The following MYH11 variants were observed in gnomAD, a reference collection of about 807,000 sequenced individuals.
MYH11 encodes the protein myosin heavy chain 11.
MYH11 carries 80 observed loss-of-function variants against 246.6 expected under a neutral mutation model. The ratio of observed to expected loss-of-function variants is 0.32; its 90% CI spans 0.27 to 0.39. MYH11 has a LOEUF of 0.39. Ranked by LOEUF, MYH11 falls within the 10% of genes least tolerant of loss-of-function variation. The pLI is 1.00. For missense variants in MYH11, 2,158 were observed against 2,546.8 expected (o/e 0.85, Z 3.29); for synonymous variants, 1,071 against 1,015.5 (o/e 1.05, Z -1.04).
At chr16:15,717,011 C>T in intron 38 of MYH11, 129 bp downstream of exon 38, 1 of 1,007,708 alleles carries the variant, frequency 9.9e-7, no homozygotes, top group Non-Finnish European at 1.6e-6. Context: ...CATACCTGCA[C>T]TGTAGGCATC....
chr16:15,771,618 T>C lies in MYH11; in HGVS notation c.984A>G (p.Glu328=). ...CCATGATTGCCATGGCCTCCACGGT[T>C]TCCTGGAACATCTCATCATCCTGGG... ...PAAQDDEMFQ[E]TVEAMAIMGF... The change falls in exon 9 of 41, where the codon GAA becomes GAG. Residue 328 remains glutamate (E), a synonymous_variant. Transcript: ENST00000300036. The C allele has an allele frequency of 1.2e-6, 2 of 1,614,016 alleles. No individual in the cohort carries two copies. Among genetic ancestry groups the C allele is most frequent in the Non-Finnish European group, 1.7e-6 (2 of 1,180,012 alleles).
At chr16:15,790,329 AACAG>A (rs1267983056) in intron 4 of MYH11, among the ~76,000 whole-genome samples, 13 of 140,210 alleles carry the variant, frequency 9.3e-5, no homozygotes, top group Middle Eastern at 3.5e-3. Flanking sequence ...CAAACAAACA[AACAG>A]ACAGACAAAA....
intron 9 of MYH11, among the ~76,000 whole-genome samples, chr16:15,766,864 T>C (rs560656630): frequency 6.6e-6 from 1 of 152,198 alleles, no homozygotes; most frequent in African/African-American, 2.4e-5. Context: ...AGCAAAGAAG[T>C]AAACCAGTGA....
At chr16:15,726,693 A>G in intron 28 of MYH11, 155 bp downstream of exon 28, 1 of 876,326 alleles carries the variant, frequency 1.1e-6, no homozygotes, top group Non-Finnish European at 1.8e-6. Flanking sequence ...TATTTAATTG[A>G]ACAGGGAGAT....
At chr16:15,732,770 T>C (rs1382742522) in intron 26 of MYH11, 62 bp from the exon 27 acceptor site, 49 of 1,598,548 alleles carry the variant, frequency 3.1e-5, no homozygotes, top group South Asian at 4.4e-5. Context: ...CTCAGTGCCG[T>C]GCAAAAGAAT....
chr16:15,841,572 G>A (rs1379832399), intron 1 of MYH11, among the ~76,000 whole-genome samples: 1 of 152,190 alleles, frequency 6.6e-6, no homozygotes, highest in Non-Finnish European at 1.5e-5. Flanking sequence ...TGGAAGATTA[G>A]GTCATTAAAT....
intron 27 of MYH11, among the ~76,000 whole-genome samples, chr16:15,731,940 T>C (rs1358238931): frequency 1.3e-5 from 2 of 151,764 alleles, no homozygotes; most frequent in African/African-American, 2.4e-5. Context: ...AGGAATGCAC[T>C]ACCAGGCCTG....
chr16:15,828,718 A>C (rs911525581), intron 2 of MYH11, among the ~76,000 whole-genome samples: 5 of 151,028 alleles, frequency 3.3e-5, no homozygotes, highest in Non-Finnish European at 5.9e-5. Context: ...ACTTGAACCC[A>C]GGAGGTGGAG....
intron 28 of MYH11, chr16:15,726,407 T>C (rs2040762527): frequency 5.9e-6 from 1 of 170,146 alleles, no homozygotes; most frequent in Non-Finnish European, 1.3e-5. Flanking sequence ...TTTTGCCCTT[T>C]TAGCCCAGGC....
intron 3 of MYH11, among the ~76,000 whole-genome samples, chr16:15,800,096 G>T (rs1567184150): frequency 6.6e-6 from 1 of 151,118 alleles, no homozygotes; most frequent in Non-Finnish European, 1.5e-5. Flanking sequence ...GAGTAGGTGG[G>T]TGGGTGGATG....
chr16:15,738,121 G>A (rs1168314323), intron 24 of MYH11, among the ~76,000 whole-genome samples: 1 of 152,076 alleles, frequency 6.6e-6, no homozygotes, highest in African/African-American at 2.4e-5. Context: ...GATGACTAAG[G>A]GTGATTTCGA....
chr16:15,784,419 T>G (rs1383794939), intron 5 of MYH11, among the ~76,000 whole-genome samples: 1 of 151,916 alleles, frequency 6.6e-6, no homozygotes, highest in Non-Finnish European at 1.5e-5. Flanking sequence ...GGTGCAGGGG[T>G]TCATTCTGAA....
In MYH11 at chr16:15,814,553, CAAAAAAAAAAAAAAAAA is replaced by C. The variant is rs58806731; in HGVS notation, c.502+8685_502+8701del. Among the ~76,000 whole-genome samples the C allele has an allele frequency of 3.7e-3, 85 of 22,830 alleles. 2 individuals carry two copies. The Middle Eastern group carries it at 0.12, about 34-fold the overall frequency. 15.0% of individuals were successfully genotyped at this position (22,830 alleles called of 152,430 possible). The stretch of plus-strand genomic sequence containing the variant: ...GGACAACGAGAGTGAAACTCCATCT[CAAAAAAAAAAAAAAAAA>C]AAAAAAAAAAAAAAGGTACCAAGAA... On this transcript the variant is annotated intron_variant, in intron 3 of 40. Transcript: ENST00000300036.
In MYH11 at chr16:15,753,409, C is replaced by G; in HGVS notation, c.1849G>C (p.Asp617His). The change falls in exon 15 of 41, where the codon GAC becomes CAC. Residue 617 changes from aspartate to histidine, a missense_variant. Physicochemically the swap from Asp to His is moderately conservative, Grantham distance 81 (BLOSUM62 -1). This residue lies in a region of MYH11 where 317 missense variants were observed against 507.7 expected (regional missense o/e 0.62). Coordinates refer to ENST00000300036, the MANE Select transcript of MYH11 (RefSeq NM_002474.3). ...AAGGCCTTACCGTCCTTCCACAGGTCGGCCACAAACTTGTCGGAGGAGGCA... is the reference window on the plus strand; with the variant it reads ...AAGGCCTTACCGTCCTTCCACAGGTGGGCCACAAACTTGTCGGAGGAGGCA... The part of the protein sequence containing the change: ...LNASSDKFVA[D>H]LWKDVDRIVG... 6.2e-7 allele frequency: 1 copy of G among 1,614,002 alleles called. No homozygotes were observed. The highest frequency in any genetic ancestry group is 8.5e-7 in the Non-Finnish European group (1 of 1,179,936).
intron 26 of MYH11, 187 bp from the exon 27 acceptor site, chr16:15,732,895 G>A (rs1391028599): frequency 4.5e-6 from 3 of 671,056 alleles, no homozygotes; most frequent in Non-Finnish European, 7.8e-6. Flanking sequence ...GCTGCAAAAT[G>A]TGGAGCATAT....
chr16:15,756,457 T>C lies in MYH11; in HGVS notation c.1633A>G (p.Thr545Ala). The C allele has an allele frequency of 1.2e-6, 2 of 1,614,196 alleles. No individual in the cohort carries two copies. The highest frequency in any genetic ancestry group is 1.7e-6 in the Non-Finnish European group (2 of 1,180,034). Residue 545 changes from threonine to alanine, a missense_variant, in exon 14 of 41, where the codon ACG becomes GCG. By Grantham distance (58) the Thr-to-Ala change is moderately conservative (BLOSUM62 0). Around this residue, in one of 11 missense-constraint regions of MYH11, gnomAD observed 317 missense variants for 507.7 expected, o/e 0.62. Transcript: ENST00000300036. ...AGCTTCTCCACGAAAGACTTGTCCG[T>C]GGCTTTGGGGAACCAGCATTCCTCG... The part of the protein sequence containing the change: ...LDEECWFPKA[T>A]DKSFVEKLCT...
chr16:15,769,506 G>C (rs79379911), intron 9 of MYH11, among the ~76,000 whole-genome samples: 24,167 of 152,090 alleles, frequency 0.16, 2,406 homozygotes, highest in South Asian at 0.33. Context: ...TCGGCTCACT[G>C]CAGCTTCGAC....
In MYH11 at chr16:15,747,610, T is replaced by C. The variant is rs780266654; in HGVS notation, c.2371A>G (p.Met791Val). The C allele has an allele frequency of 5.6e-6, 9 of 1,613,996 alleles. No homozygotes were observed. In the Admixed American group the frequency reaches 1.3e-4, roughly 24 times the overall value. Reference sequence around the variant, plus strand: ...CCACGACACATCGCCTGGAAGGCCATGATGACATCGGTGATCTTCAAATCT... The same window carrying C: ...CCACGACACATCGCCTGGAAGGCCACGATGACATCGGTGATCTTCAAATCT... ...ERDLKITDVI[M>V]AFQAMCRGYL... The change falls in exon 19 of 41, where the codon ATG becomes GTG. Residue 791 changes from methionine to valine, a missense_variant. Around this residue, in one of 11 missense-constraint regions of MYH11, gnomAD observed 90 missense variants for 144.2 expected, o/e 0.62. Transcript: ENST00000300036.
intron 3 of MYH11, among the ~76,000 whole-genome samples, chr16:15,819,261 A>G (rs1220326564): frequency 6.6e-6 from 1 of 152,208 alleles, no homozygotes; most frequent in Non-Finnish European, 1.5e-5. Flanking sequence ...ATTTTGTGTT[A>G]AAACCTAGAG....
Sources: gnomAD v4.1 joint callset for allele counts (sites outside exome capture counted in the v4.1 genomes callset) on GRCh38, gnomAD v4.1.1 for gene constraint, gnomAD v4.1.1 regional missense constraint, MANE v1.5 for transcripts, NCBI Gene and HGNC (gene_info 2026-07-23, HGNC 2026-07-21) for gene names.